Variants in ABI3BP observed in about 807,000 individuals in gnomAD.
The protein encoded by ABI3BP is ABI family member 3 binding protein.
ABI3BP carries 216 observed loss-of-function variants against 268.6 expected under a neutral mutation model. The observed-to-expected ratio is 0.80, with a 90% CI of 0.72 to 0.90. ABI3BP has a LOEUF of 0.90. ABI3BP is among the 40% of genes least tolerant of loss of function. ABI3BP has a pLI of 0.00. For synonymous variants in ABI3BP, 730 were observed against 730.0 expected (o/e 1.00, Z 0.00); for missense variants, 2,090 against 2,182.4 (o/e 0.96, Z 0.84).
chr3:100,982,598 T>C (rs951420982), intron 1 of ABI3BP, among the ~76,000 whole-genome samples: 5 of 151,910 alleles, frequency 3.3e-5, no homozygotes, highest in Non-Finnish European at 4.4e-5. Context: ...CACTAACCCA[T>C]GGTGCTAATT....
chr3:100,985,967 C>G (rs1435510850), intron 1 of ABI3BP, among the ~76,000 whole-genome samples: 1 of 152,230 alleles, frequency 6.6e-6, no homozygotes, highest in Non-Finnish European at 1.5e-5. Flanking sequence ...TAGACTCTTA[C>G]ATAATCTGAG....
chr3:100,757,271 C>A (rs919566600), intron 63 of ABI3BP, among the ~76,000 whole-genome samples: 1 of 151,878 alleles, frequency 6.6e-6, no homozygotes, highest in African/African-American at 2.4e-5. Flanking sequence ...TACTGAAAGA[C>A]AAGAGTTTCC....
chr3:100,922,602 C>T (rs547654239), intron 2 of ABI3BP, among the ~76,000 whole-genome samples: 12 of 151,582 alleles, frequency 7.9e-5, no homozygotes, highest in African/African-American at 2.9e-4. Flanking sequence ...TGTGACGTGA[C>T]GTGATGTGAT....
rs952778433 is a variant in ABI3BP at position 100,834,906 on chromosome 3, G to C, written c.2192-133C>G. 1.5e-5 allele frequency: 12 copies of C among 778,916 alleles called. No individual in the cohort carries two copies. In the African/African-American group the frequency reaches 1.6e-4, roughly 10 times the overall value. The allele number at this position is 778,916 out of a possible 1,614,324, so 48.3% of individuals were successfully genotyped here. On this transcript the variant is annotated intron_variant, in intron 28 of 67. Transcript: ENST00000471714. ...TCTCTTTGGTTTAGAATTTTCTTCT[G>C]ATCATCTATATGCAAAAATATGTAT... is the stretch of plus-strand genomic sequence containing the variant.
chr3:100,892,363 C>T (rs1025790455), intron 4 of ABI3BP, among the ~76,000 whole-genome samples: 2 of 152,118 alleles, frequency 1.3e-5, no homozygotes, highest in African/African-American at 4.8e-5. Flanking sequence ...TGAAACCAGA[C>T]TCCTTATAGG....
intron 62 of ABI3BP, among the ~76,000 whole-genome samples, 160 bp downstream of exon 62, chr3:100,770,583 A>C (rs1178433049): frequency 6.6e-6 from 1 of 152,178 alleles, no homozygotes; most frequent in Non-Finnish European, 1.5e-5. Context: ...TCATCCTATG[A>C]CATTGTTGAC....
At chr3:100,767,705 T>C (rs1486499230) in intron 62 of ABI3BP, among the ~76,000 whole-genome samples, 1 of 152,152 alleles carries the variant, frequency 6.6e-6, no homozygotes, top group East Asian at 1.9e-4. Context: ...TAATAATATC[T>C]CTTCATACTA....
At chr3:100,831,518 T>C (rs2098493562) in intron 31 of ABI3BP, among the ~76,000 whole-genome samples, 1 of 152,034 alleles carries the variant, frequency 6.6e-6, no homozygotes, top group South Asian at 2.1e-4. Flanking sequence ...GTATCTTCAG[T>C]TCTAAGAACA....
chr3:100,758,124 C>A (rs945637987), intron 63 of ABI3BP, among the ~76,000 whole-genome samples: 1 of 151,834 alleles, frequency 6.6e-6, no homozygotes, highest in Non-Finnish European at 1.5e-5. Context: ...AAAAAACAAT[C>A]TTCCCCGCGC....
At chr3:100,821,998 C>A (rs1232770569) in intron 38 of ABI3BP, among the ~76,000 whole-genome samples, 1 of 152,082 alleles carries the variant, frequency 6.6e-6, no homozygotes, top group Non-Finnish European at 1.5e-5. Flanking sequence ...TCCCACCCTT[C>A]TACTCATCCC....
chr3:100,840,090 C>G lies in ABI3BP; in HGVS notation c.1879G>C (p.Val627Leu). 1 of 1,138,804 alleles carries G rather than the reference C, an allele frequency of 8.8e-7. No homozygotes were observed. Among genetic ancestry groups the G allele is most frequent in the Non-Finnish European group, 1.2e-6 (1 of 842,672 alleles). 70.5% of individuals were successfully genotyped at this position (1,138,804 alleles called of 1,614,324 possible). A position where few individuals can be genotyped will look rare whatever the true frequency, so the allele number is the denominator to read the frequency against. ...PRPKTTPSPE[V>L]PKSKPALEPA... ...CATTTACCGGGTTTGGACTTGGGCACTTCTGGACTAGGTGTGGTTTTAGGG... is the reference window on the plus strand; with the variant it reads ...CATTTACCGGGTTTGGACTTGGGCAGTTCTGGACTAGGTGTGGTTTTAGGG... The change falls in exon 23 of 68, where the codon GTG (valine) becomes CTG (leucine). Residue 627 changes from valine (V) to leucine (L), a missense_variant. Val to Leu is a conservative substitution (Grantham distance 32). Transcript: ENST00000471714.
In ABI3BP at chr3:100,875,368, G is replaced by A. The variant is rs115975089; in HGVS notation, c.817+140C>T. The A allele has an allele frequency of 9.1e-4, 609 of 666,886 alleles. 4 individuals are homozygous for A. The African/African-American group carries it at 0.01, about 11-fold the overall frequency. The allele number at this position is 666,886 out of a possible 1,614,324, so 41.3% of individuals were successfully genotyped here. Reference sequence around the variant, plus strand: ...GGCTCCTAGCCTGGAATGGACACGAGCCAGGATGCTAAACAGTGAAAGGAA... The same window carrying A: ...GGCTCCTAGCCTGGAATGGACACGAACCAGGATGCTAAACAGTGAAAGGAA... On this transcript the variant is annotated intron_variant, in intron 8 of 67. Coordinates refer to ENST00000471714, the MANE Select transcript of ABI3BP (RefSeq NM_001375547.2).
chr3:100,964,069 G>A (rs147683315), intron 1 of ABI3BP, among the ~76,000 whole-genome samples: 60 of 152,204 alleles, frequency 3.9e-4, no homozygotes, highest in Non-Finnish European at 6.2e-4. Flanking sequence ...GGGAGTCCTC[G>A]GTAAGACTTT....
chr3:100,882,606 G>A (rs554433512), intron 6 of ABI3BP, among the ~76,000 whole-genome samples: 1 of 152,094 alleles, frequency 6.6e-6, no homozygotes, highest in Admixed American at 6.6e-5. Flanking sequence ...CCACCTCACA[G>A]CTTGAAGTGA....
chr3:100,903,486 C>T (rs1028492948), intron 2 of ABI3BP, among the ~76,000 whole-genome samples: 1 of 152,186 alleles, frequency 6.6e-6, no homozygotes, highest in African/African-American at 2.4e-5. Context: ...ATAAGCAACT[C>T]TACTGGATTA....
At chr3:100,980,936 A>G (rs1190195924) in intron 1 of ABI3BP, among the ~76,000 whole-genome samples, 2 of 152,234 alleles carry the variant, frequency 1.3e-5, no homozygotes, top group African/African-American at 4.8e-5. Context: ...CAATAGAACA[A>G]ACATCCAGAA....
In ABI3BP at chr3:100,923,779, A is replaced by T. The variant is rs184394141; in HGVS notation, c.259+2523T>A. 9.3e-4 allele frequency among the ~76,000 whole-genome samples: 141 copies of T among 152,338 alleles called. 1 individual carries two copies. Among genetic ancestry groups the T allele is most frequent in the Non-Finnish European group, 1.3e-4 (9 of 68,024 alleles). Reference sequence around the variant, plus strand: ...TAAAATAGGGAGAAAGAATAATAGAATGAGAAAATTGCTGTTTATAACTCC... The same window carrying T: ...TAAAATAGGGAGAAAGAATAATAGATTGAGAAAATTGCTGTTTATAACTCC... On this transcript the variant is annotated intron_variant, in intron 2 of 67. Transcript: ENST00000471714.
chr3:100,775,338 G>C lies in ABI3BP; in HGVS notation c.4334-3C>G, dbSNP rs2096668710. On this transcript the variant is annotated splice_polypyrimidine_tract_variant and splice_region_variant and intron_variant, in intron 59 of 67. Coordinates refer to ENST00000471714, the MANE Select transcript of ABI3BP (RefSeq NM_001375547.2). ...TATTGGGCCTGATGAAATGATTCCT[G>C]TAAAGTAGAGCCAAAGTAGTCAGGC... 2 of 1,599,088 alleles carry C rather than the reference G, an allele frequency of 1.3e-6. No individual in the cohort carries two copies. Among genetic ancestry groups the C allele is most frequent in the Non-Finnish European group, 1.7e-6 (2 of 1,172,128 alleles).
chr3:100,922,442 AT>A (rs2060503430), intron 2 of ABI3BP, among the ~76,000 whole-genome samples: 1 of 152,174 alleles, frequency 6.6e-6, no homozygotes, highest in African/African-American at 2.4e-5. Flanking sequence ...ATCCTGGATT[AT>A]CCAGATGAGC....
Sources: gnomAD v4.1 joint callset for allele counts (sites outside exome capture counted in the v4.1 genomes callset) on GRCh38, gnomAD v4.1.1 for gene constraint, MANE v1.5 for transcripts, NCBI Gene and HGNC (gene_info 2026-07-23, HGNC 2026-07-21) for gene names.